IL1RAPL1: variants seen among roughly 807,000 people sequenced by gnomAD.
The protein encoded by IL1RAPL1 is interleukin-1 receptor accessory protein-like 1.
Under a neutral mutation model 48.4 loss-of-function variants are expected in IL1RAPL1, and 3 were observed. The ratio of observed to expected loss-of-function variants is 0.06; its 90% CI spans 0.03 to 0.16. The LOEUF (loss-of-function observed/expected upper bound fraction) is 0.16, where lower values mean the gene tolerates loss of function less well. Ranked by LOEUF, IL1RAPL1 falls within the 10% of genes least tolerant of loss-of-function variation. The pLI, the probability that IL1RAPL1 is intolerant of heterozygous loss-of-function variation, is 1.00. For missense variants in IL1RAPL1, 349 were observed against 530.6 expected, an observed-to-expected ratio of 0.66 and a Z score of 3.36; for synonymous variants, 185 against 187.7, an observed-to-expected ratio of 0.99 and a Z score of 0.12.
intron 1 of IL1RAPL1, among the ~76,000 whole-genome samples, chrX:28,612,678 A>C (rs1301234907): frequency 1.8e-5 from 2 of 112,186 alleles, no homozygotes; most frequent in East Asian, 5.6e-4. Context: ...TTATGAGAAC[A>C]CTGTTGTGCA....
chrX:29,405,453 G>A (rs1398523892), intron 5 of IL1RAPL1, among the ~76,000 whole-genome samples: 3 of 96,399 alleles, frequency 3.1e-5, no homozygotes, highest in Non-Finnish European at 5.9e-5. Context: ...TGCAAGCTCC[G>A]CCTCCCGGGT....
rs543377363 is a variant in IL1RAPL1, at chrX:28,676,562, G to A, written c.-25+88515G>A. On this transcript the variant is annotated intron_variant, in intron 1 of 10. Transcript: ENST00000378993. ...AGCCTGGCCAACGTGGCGAAACCCC[G>A]TCTCTACTAAAAATACAAAAGTTAA... Among the ~76,000 whole-genome samples, 18 of 110,494 alleles carry A rather than the reference G, an allele frequency of 1.6e-4. No homozygotes were observed. The South Asian group carries it at 4.2e-3, about 26-fold the overall frequency.
intron 1 of IL1RAPL1, among the ~76,000 whole-genome samples, chrX:28,589,731 G>C (rs1382745839): frequency 8.9e-6 from 1 of 111,823 alleles, no homozygotes; most frequent in Non-Finnish European, 1.9e-5. Context: ...GCAGATTTCA[G>C]CCTGGTGGTT....
chrX:29,644,152 G>T (rs374975537), intron 5 of IL1RAPL1, among the ~76,000 whole-genome samples: 1 of 112,026 alleles, frequency 8.9e-6, no homozygotes, highest in East Asian at 2.8e-4. Context: ...TCTATTAAAG[G>T]TATCTAATGA....
intron 5 of IL1RAPL1, among the ~76,000 whole-genome samples, chrX:29,593,865 C>G (rs1923459698): frequency 1.8e-5 from 2 of 112,092 alleles, no homozygotes; most frequent in African/African-American, 6.5e-5. Context: ...ATTGCACCTC[C>G]TATGTGGTTA....
chrX:28,645,933 T>A (rs1934603286), intron 1 of IL1RAPL1, among the ~76,000 whole-genome samples: 1 of 111,907 alleles, frequency 8.9e-6, no homozygotes. Flanking sequence ...TTGAAGCTCT[T>A]AAAGTGGCCT....
chrX:29,313,494 G>T (rs181259098), intron 3 of IL1RAPL1, among the ~76,000 whole-genome samples: 1 of 111,553 alleles, frequency 9.0e-6, no homozygotes, highest in Admixed American at 9.5e-5. Context: ...ATGTTCTATG[G>T]CCATTAGAGT....
chrX:29,010,527 T>G (rs754939095), intron 2 of IL1RAPL1, among the ~76,000 whole-genome samples: 1 of 112,263 alleles, frequency 8.9e-6, no homozygotes, highest in African/African-American at 3.2e-5. Flanking sequence ...TTAATTCTGC[T>G]TATACATTCA....
At chrX:28,814,850 A>T (rs1243900274) in intron 2 of IL1RAPL1, among the ~76,000 whole-genome samples, 2 of 109,801 alleles carry the variant, frequency 1.8e-5, no homozygotes, top group Admixed American at 9.8e-5. Context: ...CTTCTATTTT[A>T]AAAAATCTTG....
chrX:29,378,456 G>A (rs1933651476), intron 3 of IL1RAPL1, among the ~76,000 whole-genome samples: 1 of 112,085 alleles, frequency 8.9e-6, no homozygotes, highest in African/African-American at 3.2e-5. Context: ...GGCTTTTTAA[G>A]TTGCTACAGT....
intron 2 of IL1RAPL1, among the ~76,000 whole-genome samples, chrX:28,813,524 A>T (rs1487949248): frequency 9.0e-6 from 1 of 111,350 alleles, no homozygotes; most frequent in African/African-American, 3.3e-5. Flanking sequence ...TAGATGGAGT[A>T]TTCTATAATG....
At chrX:28,909,902 G>A (rs766514127) in intron 2 of IL1RAPL1, among the ~76,000 whole-genome samples, 60 of 111,382 alleles carry the variant, frequency 5.4e-4, no homozygotes, top group African/African-American at 1.8e-3. Context: ...TACAAGTATG[G>A]CTTTAAAAAC....
chrX:28,951,589 T>G (rs1924467915), intron 2 of IL1RAPL1, among the ~76,000 whole-genome samples: 1 of 111,014 alleles, frequency 9.0e-6, no homozygotes, highest in African/African-American at 3.3e-5. Flanking sequence ...ATTTGAATAA[T>G]TAGGGAACAG....
At chrX:29,900,959 C>T (rs1376768012) in intron 6 of IL1RAPL1, among the ~76,000 whole-genome samples, 1 of 111,786 alleles carries the variant, frequency 8.9e-6, no homozygotes. Context: ...ATAAATAAAC[C>T]AATAGCTAGC....
chrX:28,910,291 C>T (rs1923325431), intron 2 of IL1RAPL1, among the ~76,000 whole-genome samples: 1 of 111,300 alleles, frequency 9.0e-6, no homozygotes, highest in Non-Finnish European at 1.9e-5. Context: ...AACCTGATTC[C>T]TTGTTTGTTA....
rs777963523 is a variant in IL1RAPL1, at chrX:29,228,332, A to AATGTGTGTGTGTGTGTGTGTGTGTGT, written c.83-54606_83-54605insATGTGTGTGTGTGTGTGTGTGTGTGT. 2.9e-4 allele frequency among the ~76,000 whole-genome samples: 23 copies of AATGTGTGTGTGTGTGTGTGTGTGTGT among 79,557 alleles called. 2 individuals carry two copies. The highest frequency in any genetic ancestry group is 1.4e-4 in the Non-Finnish European group (6 of 41,514). The allele number at this position is 79,557 out of a possible 115,157, so 69.1% of individuals were successfully genotyped here. On this transcript the variant is annotated intron_variant, in intron 2 of 10. Transcript: ENST00000378993. ...TAAACACTGTAGTTTAGTTTTGCCT[A>AATGTGTGTGTGTGTGTGTGTGTGTGT]GTGTGTGTGTGTGTGTGTGTGTGTG...
intron 2 of IL1RAPL1, among the ~76,000 whole-genome samples, chrX:28,850,244 T>C (rs1921623925): frequency 8.9e-6 from 1 of 111,786 alleles, no homozygotes; most frequent in African/African-American, 3.3e-5. Flanking sequence ...GCATAGTGAC[T>C]GGCTGAATGC....
At chrX:29,642,446 A>G (rs1289277940) in intron 5 of IL1RAPL1, among the ~76,000 whole-genome samples, 1 of 112,491 alleles carries the variant, frequency 8.9e-6, no homozygotes, top group Non-Finnish European at 1.9e-5. Flanking sequence ...TATACACTCA[A>G]TAATGTCTGT....
At chrX:29,917,342 ATTCT>A in intron 6 of IL1RAPL1, 118 bp from the exon 7 acceptor site, 1 of 643,891 alleles carries the variant, frequency 1.6e-6, no homozygotes, top group Non-Finnish European at 2.4e-6. Flanking sequence ...CTGAAAAATT[ATTCT>A]TTTAGAAAGA....
Sources: allele counts gnomAD v4.1 joint callset (sites outside exome capture counted in the v4.1 genomes callset), GRCh38; gene constraint gnomAD v4.1.1; transcripts MANE v1.5; gene names NCBI Gene and HGNC (gene_info 2026-07-23, HGNC 2026-07-21).